PNISR: variants seen among roughly 807,000 people sequenced by gnomAD.
The protein encoded by PNISR is PNN interacting serine and arginine rich protein, also known as arginine/serine-rich protein PNISR.
A neutral mutation model predicts 93.4 loss-of-function variants in PNISR; 20 were observed. The observed-to-expected ratio is 0.21, with a 90% CI of 0.15 to 0.31. The LOEUF is 0.31. Among genes scored for constraint, PNISR ranks in the 10% least tolerant of loss-of-function variants. PNISR has a pLI of 1.00. For synonymous variants in PNISR, 305 were observed against 306.5 expected (o/e 0.99, Z 0.05); for missense variants, 893 against 985.4 (o/e 0.91, Z 1.25).
intron 7 of PNISR, 116 bp from the exon 8 acceptor site, chr6:99,406,284 T>A: frequency 2.0e-6 from 1 of 498,128 alleles, no homozygotes; most frequent in Non-Finnish European, 3.5e-6. Flanking sequence ...GAAATATGAG[T>A]GAAACTGCTA....
chr6:99,407,692 G>A (rs551057908), intron 7 of PNISR, among the ~76,000 whole-genome samples: 5 of 152,252 alleles, frequency 3.3e-5, no homozygotes, highest in East Asian at 1.9e-4. Flanking sequence ...CAGTGCTCAC[G>A]TCAAAAACAA....
chr6:99,405,258 T>G (rs1776011620), intron 8 of PNISR, among the ~76,000 whole-genome samples: 1 of 151,870 alleles, frequency 6.6e-6, no homozygotes, highest in Non-Finnish European at 1.5e-5. Flanking sequence ...TGAGGTCAGG[T>G]GTTCGACACC....
At chr6:99,408,313 A>T in intron 6 of PNISR, 42 bp from the exon 7 acceptor site, 1 of 1,350,522 alleles carries the variant, frequency 7.4e-7, no homozygotes, top group Non-Finnish European at 1.0e-6. Context: ...AGTTAAGTAA[A>T]ATATTTCTAC....
Position 99,401,647 on chromosome 6 carries a change from C to A in PNISR, c.1328-17G>T, listed in dbSNP as rs776915836. ...GCTTTTCTTCTGAAACAGAAAAAGA[C>A]AAAAACACTAAGAAAATGTTCATGT... On this transcript the variant is annotated splice_polypyrimidine_tract_variant and intron_variant, in intron 11 of 11. Coordinates refer to ENST00000369239, the MANE Select transcript of PNISR (RefSeq NM_032870.4). 1.3e-6 allele frequency: 2 copies of A among 1,499,682 alleles called. No individual in the cohort carries two copies. Among genetic ancestry groups the A allele is most frequent in the East Asian group, 2.3e-5 (1 of 43,462 alleles). The allele number at this position is 1,499,682 out of a possible 1,614,324, so 92.9% of individuals were successfully genotyped here.
rs1165208401 is a variant in PNISR, at chr6:99,410,633, T to C, written c.501+108A>G. On this transcript the variant is annotated intron_variant, in intron 5 of 11. Transcript: ENST00000369239. ...AACTGAGACAGAATGTGCTTATTTATACAAGTCTGAAAAGTGAAACACGTA... is the reference window on the plus strand; with the variant it reads ...AACTGAGACAGAATGTGCTTATTTACACAAGTCTGAAAAGTGAAACACGTA... The C allele has an allele frequency of 8.4e-6, 6 of 712,486 alleles. No homozygotes were observed. The East Asian group carries it at 1.1e-4, about 13-fold the overall frequency. The allele number at this position is 712,486 out of a possible 1,614,324, so 44.1% of individuals were successfully genotyped here. A position where few individuals can be genotyped will look rare whatever the true frequency, so the allele number is the denominator to read the frequency against.
intron 5 of PNISR, chr6:99,409,867 CTTG>C (rs1310959841): frequency 6.5e-6 from 1 of 153,616 alleles, no homozygotes; most frequent in Non-Finnish European, 1.4e-5. Context: ...AGCTCTTTGT[CTTG>C]TTTACATGGG....
intron 4 of PNISR, chr6:99,411,957 T>G (rs1776993399): frequency 4.5e-6 from 1 of 224,694 alleles, no homozygotes; most frequent in Non-Finnish European, 9.0e-6. Flanking sequence ...CCTCCATAGT[T>G]TCAAGTGACT....
chr6:99,408,553 G>T (rs1776445306), intron 6 of PNISR, among the ~76,000 whole-genome samples: 1 of 152,108 alleles, frequency 6.6e-6, no homozygotes, highest in African/African-American at 2.4e-5. Context: ...AAAAAATTAA[G>T]TGATTTGCTA....
Position 99,416,378 on chromosome 6 carries a change from A to C in PNISR, c.-61T>G, listed in dbSNP as rs1777696399. ...GAGGTTCACCTTCTGTTTAAAACTT[A>C]GGTTGATTCAGACTACAGCTTCGAA... On this transcript the variant is annotated 5_prime_UTR_variant, in exon 2 of 12. Transcript: ENST00000369239. 1.6e-6 allele frequency: 2 copies of C among 1,218,246 alleles called. No individual in the cohort carries two copies. The highest frequency in any genetic ancestry group is 2.0e-6 in the Non-Finnish European group (2 of 975,724). 75.5% of individuals were successfully genotyped at this position (1,218,246 alleles called of 1,614,324 possible).
rs201505989 is a variant in PNISR at position 99,400,613 on chromosome 6, C to T, written c.2345G>A (p.Arg782Gln). ...AGACCTTTGAGATTTCTCCACGGAT[C>T]GCGATCGACTATGTTTAGGCTTCTT... ...KAKKPKHSRS[R>Q]SVEKSQRSGK... The change falls in exon 12 of 12, where the codon CGA becomes CAA. Residue 782 changes from arginine (R) to glutamine (Q), a missense_variant. This residue lies in a region of PNISR where 866 missense variants were observed against 935.1 expected (regional missense o/e 0.93). Transcript: ENST00000369239. 3.5e-5 allele frequency: 56 copies of T among 1,613,936 alleles called. No individual in the cohort carries two copies. The highest frequency in any genetic ancestry group is 1.8e-4 in the South Asian group (16 of 91,088).
At chr6:99,407,636 C>T (rs1421472280) in intron 7 of PNISR, among the ~76,000 whole-genome samples, 1 of 152,174 alleles carries the variant, frequency 6.6e-6, no homozygotes, top group East Asian at 1.9e-4. Context: ...CCACTCAAGC[C>T]ATCTAACTGA....
intron 8 of PNISR, among the ~76,000 whole-genome samples, chr6:99,405,501 G>A (rs938588444): frequency 2.6e-5 from 4 of 151,960 alleles, no homozygotes; most frequent in African/African-American, 2.4e-5. Context: ...GAAATCATAC[G>A]GATCAAAGAA....
intron 1 of PNISR, among the ~76,000 whole-genome samples, chr6:99,422,978 A>G (rs1778811289): frequency 6.6e-6 from 1 of 151,818 alleles, no homozygotes; most frequent in Admixed American, 6.6e-5. Flanking sequence ...GCCCAAAATG[A>G]CACCCTAGTA....
chr6:99,420,399 ATACT>A (rs1227876573), intron 1 of PNISR, among the ~76,000 whole-genome samples: 1 of 152,246 alleles, frequency 6.6e-6, no homozygotes, highest in Non-Finnish European at 1.5e-5. Context: ...AAACTAGGAA[ATACT>A]TAAACTTTTA....
intron 5 of PNISR, 95 bp downstream of exon 5, chr6:99,410,646 A>C: frequency 1.2e-6 from 1 of 810,276 alleles, no homozygotes. Flanking sequence ...AAGTCTGAAA[A>C]GTGAAACACG....
intron 1 of PNISR, among the ~76,000 whole-genome samples, chr6:99,421,048 C>G (rs1290336094): frequency 6.6e-6 from 1 of 152,184 alleles, no homozygotes; most frequent in African/African-American, 2.4e-5. Flanking sequence ...TTTATAATAT[C>G]AAAAATTGAT....
Position 99,398,897 on chromosome 6 carries a change from G to A in PNISR, c.*1643C>T, listed in dbSNP as rs1775149051. 6.6e-6 allele frequency: 1 copy of A among 152,062 alleles called. No homozygotes were observed. The highest frequency in any genetic ancestry group is 1.5e-5 in the Non-Finnish European group (1 of 67,932). The allele number at this position is 152,062 out of a possible 1,614,324, so 9.4% of individuals were successfully genotyped here. On this transcript the variant is annotated 3_prime_UTR_variant, in exon 12 of 12. Transcript: ENST00000369239. ...CTATTTTAAAGTTATTCTGTGAAAT[G>A]TCATCTTTATAAATATCAGAACTAA...
chr6:99,402,699 C>T lies in PNISR; in HGVS notation c.1168G>A (p.Gly390Ser), dbSNP rs750291178. The T allele has an allele frequency of 1.9e-6, 3 of 1,591,154 alleles. No individual in the cohort carries two copies. In the South Asian group the frequency reaches 3.4e-5, roughly 18 times the overall value. The change falls in exon 11 of 12, where the codon GGT (glycine) becomes AGT (serine). Residue 390 changes from glycine to serine, a missense_variant. Physicochemically the swap from Gly to Ser is moderately conservative, Grantham distance 56 (BLOSUM62 0). Around this residue, in one of 3 missense-constraint regions of PNISR, gnomAD observed 866 missense variants for 935.1 expected, o/e 0.93. Transcript: ENST00000369239. Reference sequence around the variant, plus strand: ...TCTTCACTGTCTCCTGATCCATAACCACCCAGTCCACCTGTGTGCATAAAG... The same window carrying T: ...TCTTCACTGTCTCCTGATCCATAACTACCCAGTCCACCTGTGTGCATAAAG... ...ASLTGLGGLG[G>S]YGSGDSEDER...
At chr6:99,404,568 C>A (rs1775903560) in intron 9 of PNISR, 35 bp downstream of exon 9, 1 of 1,159,948 alleles carries the variant, frequency 8.6e-7, no homozygotes, top group African/African-American at 1.5e-5. Flanking sequence ...CCAAAATACC[C>A]CAGGAAAAGC....
Sources: allele counts gnomAD v4.1 joint callset (sites outside exome capture counted in the v4.1 genomes callset), GRCh38; gene constraint gnomAD v4.1.1; regional missense constraint gnomAD v4.1.1; transcripts MANE v1.5; gene names NCBI Gene and HGNC (gene_info 2026-07-23, HGNC 2026-07-21).